TRAPPC6A: variants seen among roughly 807,000 people sequenced by gnomAD.
TRAPPC6A encodes the protein trafficking protein particle complex subunit 6A, also known as TRAPP complex subunit 6A.
A neutral mutation model predicts 20.8 loss-of-function variants in TRAPPC6A; 25 were observed. That is an observed-to-expected ratio of 1.20 (90% CI 0.88 to 1.68). The LOEUF (loss-of-function observed/expected upper bound fraction) is 1.68, where lower values mean the gene tolerates loss of function less well. TRAPPC6A is among the 40% of genes most tolerant of loss of function. The pLI is 0.00. For synonymous variants in TRAPPC6A, 96 were observed against 93.3 expected (o/e 1.03, Z -0.16); for missense variants, 215 against 211.6 (o/e 1.02, Z -0.10).
intron 1 of TRAPPC6A, among the ~76,000 whole-genome samples, chr19:45,176,905 A>G (rs1339948060): frequency 6.6e-6 from 1 of 151,934 alleles, no homozygotes; most frequent in Non-Finnish European, 1.5e-5. Flanking sequence ...GCAGTGGCTC[A>G]CGCCTGTAAT....
At position 45,163,433 on chromosome 19, in the gene TRAPPC6A, A is replaced by T. The variant is rs73564219; in HGVS notation, c.449-210T>A. 0.014 allele frequency among the ~76,000 whole-genome samples: 2,181 copies of T among 152,220 alleles called. 61 individuals are homozygous for T. Among genetic ancestry groups the T allele is most frequent in the African/African-American group, 0.047 (1,964 of 41,544 alleles). ...ATGTGGCCCCAGGGAAGCGCCCGGC[A>T]CGGGCTTCTGTGGTATGCATTGCTC... is the stretch of plus-strand genomic sequence containing the variant. On this transcript the variant is annotated intron_variant, in intron 5 of 5. Transcript: ENST00000585934. This position sits in a 1 kb window ranked among gnomAD's most constrained non-coding sequence, Gnocchi z 5.3.
chr19:45,170,491 C>T (rs1455971248), intron 1 of TRAPPC6A, among the ~76,000 whole-genome samples: 2 of 152,304 alleles, frequency 1.3e-5, no homozygotes, highest in South Asian at 2.1e-4. Flanking sequence ...CGGCAGCCCC[C>T]GGAGGGGTGA....
chr19:45,164,136 G>A lies in TRAPPC6A; in HGVS notation c.354+28C>T, dbSNP rs140734600. The A allele has an allele frequency of 6.3e-4, 989 of 1,579,992 alleles. 7 individuals carry two copies. The African/African-American group carries it at 0.011, about 17-fold the overall frequency. On this transcript the variant is annotated intron_variant, in intron 4 of 5. Coordinates refer to ENST00000585934, the MANE Select transcript of TRAPPC6A (RefSeq NM_001270891.2). ...CTGGGTAAACAGGAGGAAGGGAGGT[G>A]TGGACAAGGCCCCAGCTCCCCCCAT...
Position 45,163,755 on chromosome 19 carries a change from C to T in TRAPPC6A, c.448+161G>A, listed in dbSNP as rs929902088. Among the ~76,000 whole-genome samples, 1 of 152,074 alleles carries T rather than the reference C, an allele frequency of 6.6e-6. No homozygotes were observed. Among genetic ancestry groups the T allele is most frequent in the Non-Finnish European group, 1.5e-5 (1 of 67,992 alleles). On this transcript the variant is annotated intron_variant, in intron 5 of 5. Transcript: ENST00000585934. The surrounding 1 kb of genome is among the most constrained non-coding windows in gnomAD (Gnocchi z 5.3). The stretch of plus-strand genomic sequence containing the variant: ...TCTCTCTGCAGGGCTGGCGACGTCA[C>T]GGAGCCAGGGGCACAGATGGGCCTG...
chr19:45,164,769 G>T, intron 3 of TRAPPC6A, 84 bp downstream of exon 3: 1 of 1,328,702 alleles, frequency 7.5e-7, no homozygotes, highest in Non-Finnish European at 1.1e-6. Context: ...GGCAGCCGCT[G>T]CTCTGGCGCC....
rs1040237867 is a variant in TRAPPC6A at position 45,173,457 on chromosome 19, G to A, written c.84+4678C>T. On this transcript the variant is annotated intron_variant, in intron 1 of 5. Coordinates refer to ENST00000585934, the MANE Select transcript of TRAPPC6A (RefSeq NM_001270891.2). The surrounding 1 kb of genome is among the most constrained non-coding windows in gnomAD (Gnocchi z 4.8). ...GAGCTCTGAAGCTGGTGGGAAAGGC[G>A]GCCTGCGCTACCCAGAAGCCCTGGG... Among the ~76,000 whole-genome samples the A allele has an allele frequency of 6.6e-6, 1 of 152,190 alleles. No homozygotes were observed. Among genetic ancestry groups the A allele is most frequent in the Non-Finnish European group, 1.5e-5 (1 of 68,034 alleles).
chr19:45,168,914 G>A (rs1043555570), intron 1 of TRAPPC6A, among the ~76,000 whole-genome samples: 5 of 152,176 alleles, frequency 3.3e-5, no homozygotes, highest in Admixed American at 1.3e-4. Context: ...AGCTGAGGTC[G>A]CCCATATCTG....
intron 1 of TRAPPC6A, among the ~76,000 whole-genome samples, chr19:45,170,127 G>A (rs1297121651): frequency 1.3e-5 from 2 of 152,192 alleles, no homozygotes; most frequent in African/African-American, 4.8e-5. Flanking sequence ...GGGGTGAGAG[G>A]CGGGGAAGGG....
intron 1 of TRAPPC6A, among the ~76,000 whole-genome samples, chr19:45,174,481 G>A (rs1028906845): frequency 2.0e-5 from 3 of 152,108 alleles, no homozygotes; most frequent in Non-Finnish European, 4.4e-5. Flanking sequence ...AGTACACTCC[G>A]GCTGGGGGAG....
chr19:45,163,015 C>G lies in TRAPPC6A; in HGVS notation c.*177G>C. On this transcript the variant is annotated 3_prime_UTR_variant, in exon 6 of 6. Coordinates refer to ENST00000585934, the MANE Select transcript of TRAPPC6A (RefSeq NM_001270891.2). The surrounding 1 kb of genome is among the most constrained non-coding windows in gnomAD (Gnocchi z 5.3). Reference sequence around the variant, plus strand: ...AATCCCACCACAGTCCTGACCGCAGCTGGGACCCCTTTGCCTCCTCTGACA... The same window carrying G: ...AATCCCACCACAGTCCTGACCGCAGGTGGGACCCCTTTGCCTCCTCTGACA... The G allele has an allele frequency of 7.8e-6, 5 of 644,020 alleles. No homozygotes were observed. The highest frequency in any genetic ancestry group is 2.9e-5 in the Admixed American group (1 of 34,154). The allele number at this position is 644,020 out of a possible 1,614,324, so 39.9% of individuals were successfully genotyped here.
chr19:45,172,552 C>A lies in TRAPPC6A; in HGVS notation c.84+5583G>T, dbSNP rs1451897348. Among the ~76,000 whole-genome samples, 1 of 151,654 alleles carries A rather than the reference C, an allele frequency of 6.6e-6. No individual in the cohort carries two copies. The highest frequency in any genetic ancestry group is 2.4e-5 in the African/African-American group (1 of 40,930). On this transcript the variant is annotated intron_variant, in intron 1 of 5. Transcript: ENST00000585934. This position sits in a 1 kb window ranked among gnomAD's most constrained non-coding sequence, Gnocchi z 4.2. ...GCCCTGGTTAAGAAAAGCACACAGA[C>A]AGAAGTGCTGGCACACAGATGGGTG...
rs757834719 is a variant in TRAPPC6A, at chr19:45,165,096, G to T, written c.152+31C>A. 4 of 1,612,700 alleles carry T rather than the reference G, an allele frequency of 2.5e-6. No individual in the cohort carries two copies. In the South Asian group the frequency reaches 4.4e-5, roughly 18 times the overall value. On this transcript the variant is annotated intron_variant, in intron 2 of 5. Coordinates refer to ENST00000585934, the MANE Select transcript of TRAPPC6A (RefSeq NM_001270891.2). ...GGGCCTGCCCAGCCCTGCCAGCCAGGCTGGGGGAGAGCAGGAGGGGCCGCG... is the reference window on the plus strand; with the variant it reads ...GGGCCTGCCCAGCCCTGCCAGCCAGTCTGGGGGAGAGCAGGAGGGGCCGCG...
At chr19:45,171,424 G>A (rs900514717) in intron 1 of TRAPPC6A, among the ~76,000 whole-genome samples, 6 of 152,298 alleles carry the variant, frequency 3.9e-5, no homozygotes, top group East Asian at 1.9e-4. Context: ...GGCTCCCCAC[G>A]CCTGCCTCTG....
At chr19:45,166,892 C>T (rs577378509) in intron 1 of TRAPPC6A, among the ~76,000 whole-genome samples, 1 of 152,272 alleles carries the variant, frequency 6.6e-6, no homozygotes, top group South Asian at 2.1e-4. Context: ...AGCCCTGGAG[C>T]GGGTCTCCCA....
intron 1 of TRAPPC6A, among the ~76,000 whole-genome samples, chr19:45,166,603 C>T (rs370704561): frequency 4.1e-4 from 62 of 151,066 alleles, no homozygotes; most frequent in East Asian, 2.0e-3. Context: ...AATCCCAGGA[C>T]GGCTGGGGCG....
Position 45,173,165 on chromosome 19 carries a change from A to C in TRAPPC6A, c.84+4970T>G, listed in dbSNP as rs1969300591. ...CTCAGGGGAATCCTCTCTTTGCCCA[A>C]AGGCTTCCCTTGTCTTCAAAGCCTC... is the stretch of plus-strand genomic sequence containing the variant. On this transcript the variant is annotated intron_variant, in intron 1 of 5. Transcript: ENST00000585934. This position sits in a 1 kb window ranked among gnomAD's most constrained non-coding sequence, Gnocchi z 4.8. Among the ~76,000 whole-genome samples, 1 of 151,482 alleles carries C rather than the reference A, an allele frequency of 6.6e-6. No homozygotes were observed. Among genetic ancestry groups the C allele is most frequent in the Non-Finnish European group, 1.5e-5 (1 of 67,956 alleles).
Position 45,163,266 on chromosome 19 carries a change from G to C in TRAPPC6A, c.449-43C>G, listed in dbSNP as rs760721182. On this transcript the variant is annotated intron_variant, in intron 5 of 5. Transcript: ENST00000585934. The surrounding 1 kb of genome is among the most constrained non-coding windows in gnomAD (Gnocchi z 5.3). ...GCTTAGGCTTGAGGATGGGATGGGG[G>C]AGGCAGAGGGCACCTGGACGGCTCT... 1 of 1,610,600 alleles carries C rather than the reference G, an allele frequency of 6.2e-7. No homozygotes were observed. The highest frequency in any genetic ancestry group is 8.5e-7 in the Non-Finnish European group (1 of 1,177,408).
intron 1 of TRAPPC6A, among the ~76,000 whole-genome samples, chr19:45,165,567 G>A (rs1969134224): frequency 6.6e-6 from 1 of 152,246 alleles, no homozygotes; most frequent in South Asian, 2.1e-4. Context: ...ACAATGCCCT[G>A]GGAAGTGGGC....
At chr19:45,174,316 C>T (rs138833829) in intron 1 of TRAPPC6A, among the ~76,000 whole-genome samples, 2 of 152,254 alleles carry the variant, frequency 1.3e-5, no homozygotes, top group Non-Finnish European at 2.9e-5. Context: ...AGAGCTAGCA[C>T]TGCTCATAAG....
Sources: gnomAD v4.1 joint callset for allele counts (sites outside exome capture counted in the v4.1 genomes callset) on GRCh38, gnomAD v4.1.1 for gene constraint, Gnocchi (gnomAD v3.1) non-coding constraint, MANE v1.5 for transcripts, NCBI Gene and HGNC (gene_info 2026-07-23, HGNC 2026-07-21) for gene names.